Variants in CCSER1 observed in about 807,000 individuals in gnomAD.
The protein encoded by CCSER1 is coiled-coil serine rich protein 1, also known as serine-rich coiled-coil domain-containing protein 1.
In CCSER1, 41 loss-of-function variants were observed where a neutral mutation model predicts 82.0. The observed-to-expected ratio is 0.50, with a 90% CI of 0.39 to 0.65. The LOEUF (loss-of-function observed/expected upper bound fraction) is 0.65. Ranked by LOEUF, CCSER1 falls within the 30% of genes least tolerant of loss-of-function variation. CCSER1 has a pLI of 0.00. For synonymous variants in CCSER1, 414 were observed against 383.9 expected, an observed-to-expected ratio of 1.08 and a Z score of -0.92; for missense variants, 1,119 against 1,064.2, an observed-to-expected ratio of 1.05 and a Z score of -0.72.
intron 9 of CCSER1, among the ~76,000 whole-genome samples, chr4:90,964,159 A>T (rs1175436610): frequency 6.6e-6 from 1 of 152,178 alleles, no homozygotes; most frequent in Admixed American, 6.5e-5. Flanking sequence ...ATTTTAAGTA[A>T]ACAATGCAGT....
intron 5 of CCSER1, among the ~76,000 whole-genome samples, chr4:90,619,211 T>A (rs1027437210): frequency 1.3e-5 from 2 of 151,998 alleles, no homozygotes; most frequent in South Asian, 2.1e-4. Flanking sequence ...AAATAATTAT[T>A]CCTCAGATGA....
At chr4:90,783,882 C>T (rs1012080296) in intron 7 of CCSER1, among the ~76,000 whole-genome samples, 3 of 152,040 alleles carry the variant, frequency 2.0e-5, no homozygotes, top group Non-Finnish European at 2.9e-5. Flanking sequence ...TGTTTTCCCT[C>T]CCCAACTTTT....
chr4:91,175,388 G>A (rs1407210464), intron 10 of CCSER1, among the ~76,000 whole-genome samples: 1 of 152,188 alleles, frequency 6.6e-6, no homozygotes, highest in Non-Finnish European at 1.5e-5. Context: ...GATCCTTGAG[G>A]AATCGCCACA....
intron 5 of CCSER1, among the ~76,000 whole-genome samples, chr4:90,479,731 A>T (rs1213303689): frequency 6.6e-6 from 1 of 152,172 alleles, no homozygotes; most frequent in East Asian, 1.9e-4. Context: ...GCTGTATAGT[A>T]TTCTACGGTG....
chr4:90,826,734 A>G (rs570352585), intron 8 of CCSER1, among the ~76,000 whole-genome samples: 10 of 152,364 alleles, frequency 6.6e-5, no homozygotes, highest in African/African-American at 2.4e-4. Flanking sequence ...TACATCAAAC[A>G]GATTTATAAA....
intron 10 of CCSER1, among the ~76,000 whole-genome samples, chr4:91,453,698 G>T (rs962596125): frequency 1.3e-5 from 2 of 152,056 alleles, no homozygotes; most frequent in African/African-American, 2.4e-5. Flanking sequence ...TATCTGGCAG[G>T]TGTTCTATAT....
At chr4:90,276,270 CCTT>C (rs1727726541) in intron 1 of CCSER1, among the ~76,000 whole-genome samples, 4 of 123,342 alleles carry the variant, frequency 3.2e-5, no homozygotes, top group African/African-American at 1.3e-4. Context: ...TTCCTTCCTT[CCTT>C]CCTTCCTTCC....
At chr4:91,141,113 C>A (rs1035559947) in intron 10 of CCSER1, among the ~76,000 whole-genome samples, 2 of 151,220 alleles carry the variant, frequency 1.3e-5, no homozygotes, top group African/African-American at 4.9e-5. Context: ...ATAATGGCCT[C>A]CAGCTCCATC....
intron 8 of CCSER1, among the ~76,000 whole-genome samples, chr4:90,905,614 G>A (rs538337033): frequency 1.1e-4 from 17 of 151,998 alleles, no homozygotes; most frequent in East Asian, 3.9e-4. Flanking sequence ...AAAATTTGTC[G>A]TTTTTTACCT....
At chr4:90,628,751 T>A (rs188670312) in intron 6 of CCSER1, among the ~76,000 whole-genome samples, 1 of 152,276 alleles carries the variant, frequency 6.6e-6, no homozygotes, top group Admixed American at 6.5e-5. Context: ...TGGGCCTAGT[T>A]ACTGAAACAG....
intron 1 of CCSER1, among the ~76,000 whole-genome samples, chr4:90,175,104 C>T (rs1034739576): frequency 1.6e-4 from 24 of 151,990 alleles, no homozygotes; most frequent in African/African-American, 4.1e-4. Flanking sequence ...GGTAACAAAC[C>T]GAGTGCCCAT....
intron 1 of CCSER1, among the ~76,000 whole-genome samples, chr4:90,132,427 G>A (rs1371734632): frequency 1.3e-5 from 2 of 152,076 alleles, no homozygotes; most frequent in Non-Finnish European, 2.9e-5. Context: ...ATGAAGTCTG[G>A]GGTGGGAGAA....
chr4:90,137,960 T>C (rs1483235613), intron 1 of CCSER1, among the ~76,000 whole-genome samples: 1 of 152,248 alleles, frequency 6.6e-6, no homozygotes, highest in Non-Finnish European at 1.5e-5. Context: ...TATTCTGAGT[T>C]CCAGTAATAT....
At chr4:91,093,040 T>A (rs1724131154) in intron 10 of CCSER1, among the ~76,000 whole-genome samples, 2 of 152,186 alleles carry the variant, frequency 1.3e-5, no homozygotes, top group Admixed American at 1.3e-4. Context: ...CTCCATATAC[T>A]TGAATGGTTA....
At chr4:90,246,672 C>G (rs1721460204) in intron 1 of CCSER1, among the ~76,000 whole-genome samples, 1 of 152,098 alleles carries the variant, frequency 6.6e-6, no homozygotes, top group African/African-American at 2.4e-5. Flanking sequence ...ATAAAGCATA[C>G]TTTCTAATTC....
chr4:91,362,307 G>C (rs1284550324), intron 10 of CCSER1, among the ~76,000 whole-genome samples: 5 of 151,698 alleles, frequency 3.3e-5, no homozygotes, highest in Non-Finnish European at 7.4e-5. Context: ...AAGCCATGTG[G>C]CCATGTGAGT....
chr4:90,324,198 C>G (rs1737697118), intron 3 of CCSER1, among the ~76,000 whole-genome samples: 1 of 152,184 alleles, frequency 6.6e-6, no homozygotes, highest in Non-Finnish European at 1.5e-5. Context: ...AATTGGATGG[C>G]TGGGTCAAAT....
At chr4:90,698,507 C>T (rs1197086552) in intron 6 of CCSER1, among the ~76,000 whole-genome samples, 1 of 152,154 alleles carries the variant, frequency 6.6e-6, no homozygotes, top group East Asian at 1.9e-4. Flanking sequence ...AAGCATTCCC[C>T]ATTTACAAAT....
chr4:90,628,178 G>A lies in CCSER1; in HGVS notation c.1878G>A (p.Gln626=). 4.3e-6 allele frequency: 7 copies of A among 1,613,850 alleles called. No homozygotes were observed. Among genetic ancestry groups the A allele is most frequent in the Non-Finnish European group, 5.9e-6 (7 of 1,179,830 alleles). Residue 626 remains glutamine, a synonymous_variant, in exon 6 of 11, where the codon CAG becomes CAA. Transcript: ENST00000509176. ...CTCTGCCATTCAGACTGATGTTACA[G>A]GACTGCACGGCAGTCAAGACGTTAT... is the stretch of plus-strand genomic sequence containing the variant. ...IDSLPFRLML[Q]DCTAVKTLLL... is the part of the protein sequence containing the mutation.
Sources: gnomAD v4.1 joint callset for allele counts (sites outside exome capture counted in the v4.1 genomes callset) on GRCh38, gnomAD v4.1.1 for gene constraint, MANE v1.5 for transcripts, NCBI Gene and HGNC (gene_info 2026-07-23, HGNC 2026-07-21) for gene names.